The following TP63 variants were observed in gnomAD, a reference collection of about 807,000 sequenced individuals.
TP63 encodes tumor protein 63.
TP63 carries 17 observed loss-of-function variants against 82.8 expected under a neutral mutation model. The ratio of observed to expected loss-of-function variants is 0.21; its 90% confidence interval spans 0.14 to 0.31. The LOEUF (loss-of-function observed/expected upper bound fraction) is 0.31. TP63 is among the 10% of genes least tolerant of loss of function. TP63 has a pLI of 1.00. For missense variants in TP63, 648 were observed against 895.3 expected (o/e 0.72, Z 3.52); for synonymous variants, 330 against 321.7 (o/e 1.03, Z -0.28).
chr3:189,698,822 A>G (rs904229160), intron 1 of TP63, among the ~76,000 whole-genome samples: 2 of 152,194 alleles, frequency 1.3e-5, no homozygotes, highest in Middle Eastern at 3.2e-3. Flanking sequence ...ATTTTACACA[A>G]TATTTGAAAA....
At chr3:189,643,348 T>A (rs1712091913) in intron 1 of TP63, among the ~76,000 whole-genome samples, 1 of 152,108 alleles carries the variant, frequency 6.6e-6, no homozygotes, top group Non-Finnish European at 1.5e-5. Flanking sequence ...TGGAAATAAA[T>A]GTTTCCATTA....
intron 1 of TP63, among the ~76,000 whole-genome samples, chr3:189,673,697 G>A (rs769215324): frequency 6.6e-6 from 1 of 151,946 alleles, no homozygotes; most frequent in Admixed American, 6.6e-5. Flanking sequence ...ACATATTTTC[G>A]TTTCTGTTAT....
intron 1 of TP63, among the ~76,000 whole-genome samples, chr3:189,685,848 A>G (rs915747829): frequency 6.6e-6 from 1 of 152,156 alleles, no homozygotes; most frequent in African/African-American, 2.4e-5. Context: ...TAAAACAACA[A>G]CTCCGAGACA....
Position 189,868,662 on chromosome 3 carries a change from A to T in TP63, c.1075A>T (p.Ile359Phe), listed in dbSNP as rs2108806713. Residue 359 changes from isoleucine to phenylalanine, a missense_variant, in exon 8 of 14, where the codon ATC becomes TTC. By Grantham distance (21) the Ile-to-Phe change is conservative. Around this residue, in one of 5 missense-constraint regions of TP63, gnomAD observed 342 missense variants for 425.7 expected, o/e 0.80. Transcript: ENST00000264731. ...GRDRKADEDS[I>F]RKQQVSDSTK... ...AGACAGGAAGGCGGATGAAGATAGC[A>T]TCAGAAAGCAGCAAGTTTCGGACAG... 6.2e-7 allele frequency: 1 copy of T among 1,614,158 alleles called. No homozygotes were observed. Among genetic ancestry groups the T allele is most frequent in the Non-Finnish European group, 8.5e-7 (1 of 1,180,010 alleles).
At chr3:189,863,818 C>A (rs558794088) in intron 4 of TP63, among the ~76,000 whole-genome samples, 1 of 152,256 alleles carries the variant, frequency 6.6e-6, no homozygotes, top group Admixed American at 6.5e-5. Flanking sequence ...TAATTGTAAT[C>A]TAGGCAGAAA....
intron 1 of TP63, among the ~76,000 whole-genome samples, chr3:189,718,414 G>A (rs545871512): frequency 1.3e-5 from 2 of 151,012 alleles, no homozygotes; most frequent in Non-Finnish European, 2.9e-5. Flanking sequence ...CAAAGGGGAA[G>A]GAAGGCGTGT....
intron 1 of TP63, among the ~76,000 whole-genome samples, chr3:189,687,248 A>G (rs539722689): frequency 2.0e-5 from 3 of 152,302 alleles, no homozygotes; most frequent in South Asian, 2.1e-4. Context: ...TGACTCAGTT[A>G]TGATGAAACG....
At chr3:189,729,882 A>G (rs1291301977) in intron 1 of TP63, among the ~76,000 whole-genome samples, 1 of 152,212 alleles carries the variant, frequency 6.6e-6, no homozygotes, top group Non-Finnish European at 1.5e-5. Context: ...ATACACTAAA[A>G]GGCATCAAGG....
At chr3:189,644,246 C>T (rs1223826116) in intron 1 of TP63, among the ~76,000 whole-genome samples, 1 of 151,528 alleles carries the variant, frequency 6.6e-6, no homozygotes, top group African/African-American at 2.4e-5. Flanking sequence ...GTCCCTTCCC[C>T]TCTCTCATAC....
rs571014178 is a variant in TP63 at position 189,800,488 on chromosome 3, A to G, written c.325-7784A>G. ...GTCTTTAATGAGTAAAAAAAAAAAA[A>G]AGAAAAAAAAAGCAAATAAAAGAGG... On this transcript the variant is annotated intron_variant, in intron 3 of 13. Coordinates refer to ENST00000264731, the MANE Select transcript of TP63 (RefSeq NM_003722.5). 6.3e-3 allele frequency among the ~76,000 whole-genome samples: 961 copies of G among 151,622 alleles called. 9 individuals carry two copies. The highest frequency in any genetic ancestry group is 0.022 in the African/African-American group (923 of 41,384).
chr3:189,868,764 A>G, intron 8 of TP63, 48 bp downstream of exon 8: 1 of 1,612,524 alleles, frequency 6.2e-7, no homozygotes, highest in Non-Finnish European at 8.5e-7. Flanking sequence ...TCTTCTCCAG[A>G]TGTTGGAGAA....
chr3:189,670,579 G>T (rs1396963358), intron 1 of TP63, among the ~76,000 whole-genome samples: 2 of 151,852 alleles, frequency 1.3e-5, no homozygotes, highest in African/African-American at 4.8e-5. Context: ...AATCATAAAA[G>T]AAAATATATT....
chr3:189,688,742 G>A (rs963627280), intron 1 of TP63, among the ~76,000 whole-genome samples: 5 of 152,152 alleles, frequency 3.3e-5, no homozygotes, highest in South Asian at 2.1e-4. Flanking sequence ...AAGCAAATAC[G>A]TTGTTGTTTA....
chr3:189,729,648 T>C (rs1308600477), intron 1 of TP63, among the ~76,000 whole-genome samples: 2 of 152,022 alleles, frequency 1.3e-5, no homozygotes, highest in Non-Finnish European at 2.9e-5. Flanking sequence ...TTTCTGAGAG[T>C]TAAGCTGACA....
chr3:189,620,506 C>CAAA, the TP63 span, among the ~76,000 whole-genome samples: 1,049 of 68,568 alleles, frequency 0.015, 57 homozygotes, highest in Middle Eastern at 0.032. Flanking sequence ...AAGACTCCAT[C>CAAA]AAAAAAAAAA....
At chr3:189,677,403 TATATAC>T (rs200950418) in intron 1 of TP63, among the ~76,000 whole-genome samples, 12,628 of 144,690 alleles carry the variant, frequency 0.087, 782 homozygotes, top group East Asian at 0.31. Context: ...TGTGTGTATA[TATATAC>T]ATATATACAC....
At chr3:189,819,431 C>T (rs907141782) in intron 4 of TP63, among the ~76,000 whole-genome samples, 2 of 152,036 alleles carry the variant, frequency 1.3e-5, no homozygotes, top group African/African-American at 2.4e-5. Context: ...TCTCCTAATG[C>T]TATCCCTCCC....
At chr3:189,739,634 C>T (rs1022704377) in intron 3 of TP63, among the ~76,000 whole-genome samples, 7 of 151,996 alleles carry the variant, frequency 4.6e-5, no homozygotes, top group African/African-American at 1.7e-4. Flanking sequence ...GATCTTAGGC[C>T]CCAGTTCCTC....
At chr3:189,617,911 T>C in the TP63 span, among the ~76,000 whole-genome samples, 1 of 152,170 alleles carries the variant, frequency 6.6e-6, no homozygotes, top group East Asian at 1.9e-4. Context: ...TAATAATAAA[T>C]TTATTTATTA....
Sources: gnomAD v4.1 joint callset for allele counts (sites outside exome capture counted in the v4.1 genomes callset) on GRCh38, gnomAD v4.1.1 for gene constraint, gnomAD v4.1.1 regional missense constraint, MANE v1.5 for transcripts, NCBI Gene and HGNC (gene_info 2026-07-23, HGNC 2026-07-21) for gene names.